ELAVL4: variants seen among roughly 807,000 people sequenced by gnomAD.
ELAVL4 encodes ELAV like RNA binding protein 4.
ELAVL4 carries 1 observed loss-of-function variant against 35.6 expected under a neutral mutation model. That is an observed-to-expected ratio of 0.03 (90% CI 0.01 to 0.13). The LOEUF is 0.13. Ranked by LOEUF, ELAVL4 falls within the 10% of genes least tolerant of loss-of-function variation. ELAVL4 has a pLI of 1.00. For synonymous variants in ELAVL4, 156 were observed against 171.0 expected (o/e 0.91, Z 0.69); for missense variants, 267 against 464.9 (o/e 0.57, Z 3.91).
chr1:50,189,650 G>A (rs1682374913), intron 3 of ELAVL4, among the ~76,000 whole-genome samples: 2 of 152,128 alleles, frequency 1.3e-5, no homozygotes, highest in Admixed American at 1.3e-4. Context: ...TGAAATTGGA[G>A]GGTATGTCCC....
rs192112029 is a variant in ELAVL4 at position 50,160,327 on chromosome 1, G to C, written c.250+15130G>C. ...CTACCCTAAAGACCTATTTCTGCAT[G>C]AGTTGTTCTTGGGTTTTTATGTCTT... On this transcript the variant is annotated intron_variant, in intron 2 of 6. Coordinates refer to ENST00000371824, the MANE Select transcript of ELAVL4 (RefSeq NM_001144774.3). Among the ~76,000 whole-genome samples, 157 of 152,274 alleles carry C rather than the reference G, an allele frequency of 1.0e-3. 1 individual carries two copies. Among genetic ancestry groups the C allele is most frequent in the Non-Finnish European group, 1.0e-4 (7 of 68,012 alleles).
chr1:50,192,084 C>T (rs1049591753), intron 3 of ELAVL4, among the ~76,000 whole-genome samples: 1 of 152,210 alleles, frequency 6.6e-6, no homozygotes, highest in Non-Finnish European at 1.5e-5. Flanking sequence ...TCAGCCCACA[C>T]TGCAAATGCA....
Position 50,084,442 on chromosome 1 carries a change from C to CT in ELAVL4, c.18+36267dup, listed in dbSNP as rs565133571. Among the ~76,000 whole-genome samples, 55 of 152,146 alleles carry CT rather than the reference C, an allele frequency of 3.6e-4. 1 individual carries two copies. The South Asian group carries it at 8.7e-3, about 24-fold the overall frequency. On this transcript the variant is annotated intron_variant, in intron 1 of 6. Coordinates refer to the ELAVL4 transcript ENST00000448907. The stretch of plus-strand genomic sequence containing the variant: ...ACATTCTAGATTGTTTCCTCCAAGT[C>CT]TTTTTTTATGCATATTTTTTCATGG...
In ELAVL4 at chr1:50,049,307, T is replaced by C. The variant is rs1663234555; in HGVS notation, c.18+1125T>C. The stretch of plus-strand genomic sequence containing the variant: ...CTGCATTTGTGCGCCTAGCTTTTAA[T>C]ATTTTATAATACTTGCAAATTGACA... On this transcript the variant is annotated intron_variant, in intron 1 of 6. Transcript: ENST00000448907. 2.0e-5 allele frequency among the ~76,000 whole-genome samples: 3 copies of C among 152,318 alleles called. No individual in the cohort carries two copies. The South Asian group carries it at 6.2e-4, about 32-fold the overall frequency.
intron 2 of ELAVL4, among the ~76,000 whole-genome samples, chr1:50,168,646 A>G (rs553849154): frequency 6.6e-6 from 1 of 152,294 alleles, no homozygotes; most frequent in East Asian, 1.9e-4. Flanking sequence ...AGTCAAAGGT[A>G]TCATGTATAG....
intron 1 of ELAVL4, among the ~76,000 whole-genome samples, chr1:50,068,445 C>T (rs1664367151): frequency 6.6e-6 from 1 of 152,098 alleles, no homozygotes. Context: ...AAGTGAAAAT[C>T]TATGCTGTCT....
intron 1 of ELAVL4, among the ~76,000 whole-genome samples, chr1:50,064,358 T>G (rs977284656): frequency 6.6e-6 from 1 of 152,220 alleles, no homozygotes; most frequent in South Asian, 2.1e-4. Flanking sequence ...TCTGTATGTA[T>G]GATGCATGGC....
At chr1:50,068,777 A>C (rs1664383019) in intron 1 of ELAVL4, among the ~76,000 whole-genome samples, 2 of 152,194 alleles carry the variant, frequency 1.3e-5, no homozygotes. Context: ...ATTTAAATGG[A>C]AGTCTGCAGA....
chr1:50,182,919 G>A (rs973116264), intron 3 of ELAVL4, among the ~76,000 whole-genome samples: 5 of 150,810 alleles, frequency 3.3e-5, no homozygotes, highest in Non-Finnish European at 5.9e-5. Context: ...GTGCAGTGGT[G>A]CAATTCCAGC....
chr1:50,153,634 T>C (rs531858288), intron 2 of ELAVL4, among the ~76,000 whole-genome samples: 15 of 152,316 alleles, frequency 9.8e-5, no homozygotes, highest in African/African-American at 3.6e-4. Context: ...GAGATTAGAT[T>C]GTAGGAGACC....
At chr1:50,085,737 G>A (rs1349517620) in intron 1 of ELAVL4, among the ~76,000 whole-genome samples, 2 of 152,096 alleles carry the variant, frequency 1.3e-5, no homozygotes, top group South Asian at 2.1e-4. Flanking sequence ...ATTAGCAATC[G>A]CTTTAAAAAT....
rs761603638 is a variant in ELAVL4, at chr1:50,108,920, G to A, written c.-270G>A. 8.1e-6 allele frequency: 9 copies of A among 1,108,144 alleles called. No homozygotes were observed. Among genetic ancestry groups the A allele is most frequent in the South Asian group, 4.0e-5 (1 of 25,286 alleles). 68.6% of individuals were successfully genotyped at this position (1,108,144 alleles called of 1,614,324 possible). ...AATGGATGTAAAAAGGGGAAGCTTC[G>A]AGCCAATTTCAGCAAGGCTCTGTTC... On this transcript the variant is annotated 5_prime_UTR_variant, in exon 1 of 7. Transcript: ENST00000371824.
intron 5 of ELAVL4, among the ~76,000 whole-genome samples, chr1:50,196,800 AC>A (rs913219096): frequency 1.5e-4 from 23 of 152,236 alleles, no homozygotes; most frequent in African/African-American, 5.3e-4. Flanking sequence ...TATCGTTACT[AC>A]TGCCCTATGG....
chr1:50,148,019 C>G (rs568916164), intron 2 of ELAVL4, among the ~76,000 whole-genome samples: 39 of 152,302 alleles, frequency 2.6e-4, no homozygotes, highest in Non-Finnish European at 4.6e-4. Flanking sequence ...GAAATTTGGT[C>G]ATGGAGTTAA....
intron 1 of ELAVL4, among the ~76,000 whole-genome samples, chr1:50,130,647 C>T (rs1384229075): frequency 3.3e-5 from 5 of 152,144 alleles, no homozygotes; most frequent in Non-Finnish European, 5.9e-5. Context: ...CATTACTACA[C>T]TTATGACATT....
chr1:50,059,923 T>C (rs1027179716), intron 1 of ELAVL4, among the ~76,000 whole-genome samples: 2 of 152,084 alleles, frequency 1.3e-5, no homozygotes, highest in African/African-American at 4.8e-5. Context: ...TCAAGGCAAA[T>C]TGGTGGTTGC....
At chr1:50,146,482 T>G (rs1435331563) in intron 2 of ELAVL4, among the ~76,000 whole-genome samples, 1 of 152,296 alleles carries the variant, frequency 6.6e-6, no homozygotes, top group South Asian at 2.1e-4. Flanking sequence ...TAGCACAATG[T>G]CTACTGCACA....
intron 1 of ELAVL4, among the ~76,000 whole-genome samples, chr1:50,121,824 T>A (rs1669087679): frequency 6.6e-6 from 1 of 152,056 alleles, no homozygotes; most frequent in Admixed American, 6.6e-5. Context: ...GGGCTCTTTA[T>A]TAACCAAAGT....
chr1:50,177,722 C>T (rs1680291150), intron 3 of ELAVL4, among the ~76,000 whole-genome samples: 1 of 152,052 alleles, frequency 6.6e-6, no homozygotes, highest in Non-Finnish European at 1.5e-5. Context: ...TAGGACCCTC[C>T]TAATCGAGAC....
Sources: allele counts gnomAD v4.1 joint callset (sites outside exome capture counted in the v4.1 genomes callset), GRCh38; gene constraint gnomAD v4.1.1; transcripts MANE v1.5; gene names NCBI Gene and HGNC (gene_info 2026-07-23, HGNC 2026-07-21).